The following PDZD7 variants were observed in gnomAD, a reference collection of about 807,000 sequenced individuals.
The protein encoded by PDZD7 is PDZ domain containing 7, also known as PDZ domain-containing protein 7.
In PDZD7, 72 loss-of-function variants were observed where a neutral mutation model predicts 84.7. The ratio of observed to expected loss-of-function variants is 0.85; its 90% confidence interval spans 0.70 to 1.03. PDZD7 has a LOEUF of 1.03. Ranked by LOEUF, PDZD7 falls within the 50% of genes least tolerant of loss-of-function variation. The pLI, the probability that PDZD7 is intolerant of heterozygous loss-of-function variation, is 0.00. For synonymous variants in PDZD7, 594 were observed against 580.7 expected, an observed-to-expected ratio of 1.02 and a Z score of -0.33; for missense variants, 1,490 against 1,412.9, an observed-to-expected ratio of 1.05 and a Z score of -0.87.
intron 2 of PDZD7, among the ~76,000 whole-genome samples, chr10:101,024,286 C>G (rs1202222064): frequency 1.3e-5 from 2 of 152,186 alleles, no homozygotes; most frequent in Non-Finnish European, 2.9e-5. Flanking sequence ...CTCTGTCATC[C>G]AGGCTGGAGT....
intron 2 of PDZD7, among the ~76,000 whole-genome samples, chr10:101,026,373 G>A (rs1937700609): frequency 6.6e-6 from 1 of 151,596 alleles, no homozygotes; most frequent in African/African-American, 2.4e-5. Flanking sequence ...AACCTCAAGT[G>A]ATCCACCTGC....
intron 9 of PDZD7, among the ~76,000 whole-genome samples, chr10:101,017,113 C>T (rs7094415): frequency 0.62 from 94,931 of 151,966 alleles, 30,819 homozygotes; most frequent in African/African-American, 0.81. Flanking sequence ...AAGCACTTTC[C>T]CTCCCACATC....
chr10:101,016,463 GC>G lies in PDZD7; in HGVS notation c.1523-37del, dbSNP rs746671101. The G allele has an allele frequency of 1.0e-5, 16 of 1,549,446 alleles. No homozygotes were observed. In the South Asian group the frequency reaches 1.7e-4, roughly 16 times the overall value. ...GAAAGAGGCTCAGCTGCAGGCCTTGGCCCCCAGTCTGAAAATGGGGTTCAGG... is the reference window on the plus strand; with the variant it reads ...GAAAGAGGCTCAGCTGCAGGCCTTGGCCCCAGTCTGAAAATGGGGTTCAGG... On this transcript the variant is annotated intron_variant, in intron 9 of 16. Transcript: ENST00000619208.
rs1355699073 is a variant in PDZD7, at chr10:101,017,848, AAAG to A, written c.1522+248_1522+250del. On this transcript the variant is annotated intron_variant, in intron 9 of 16. Transcript: ENST00000619208. ...AAAGGAAGGAAGGAAGGAAAGAAAG[AAAG>A]AAAGAAAGAAAGAAAGAAAGAAAGA... 106 of 338,578 alleles carry A rather than the reference AAAG, an allele frequency of 3.1e-4. 3 individuals carry two copies. The highest frequency in any genetic ancestry group is 8.8e-4 in the South Asian group (20 of 22,606). The allele number at this position is 338,578 out of a possible 1,614,324, so 21.0% of individuals were successfully genotyped here.
At position 101,007,723 on chromosome 10, in the gene PDZD7, C is replaced by T; in HGVS notation, c.*744G>A. On this transcript the variant is annotated 3_prime_UTR_variant, in exon 17 of 17. Coordinates refer to ENST00000619208, the MANE Select transcript of PDZD7 (RefSeq NM_001195263.2). Reference sequence around the variant, plus strand: ...TTATTTGTGTTTGTGACCAAGCAGCCTCTCCCTTCACCCAGGTTTATGGCC... The same window carrying T: ...TTATTTGTGTTTGTGACCAAGCAGCTTCTCCCTTCACCCAGGTTTATGGCC... 2.1e-6 allele frequency: 2 copies of T among 937,368 alleles called. No homozygotes were observed. Among genetic ancestry groups the T allele is most frequent in the Non-Finnish European group, 2.6e-6 (2 of 766,100 alleles). 58.1% of individuals were successfully genotyped at this position (937,368 alleles called of 1,614,324 possible).
chr10:101,009,268 G>A lies in PDZD7; in HGVS notation c.2700C>T (p.Phe900=). Residue 900 remains phenylalanine, a synonymous_variant, in exon 16 of 17, where the codon TTC becomes TTT. Transcript: ENST00000619208. ...IEKIFPGGAA[F]LSGALQAGFE... is the part of the protein sequence containing the mutation. ...CACCCACCTGCAGGGCCCCACTGAG[G>A]AAAGCGGCCCCCCCAGGGAAGATCT... is the stretch of plus-strand genomic sequence containing the variant. 6.5e-7 allele frequency: 1 copy of A among 1,535,938 alleles called. No individual in the cohort carries two copies. The highest frequency in any genetic ancestry group is 8.7e-7 in the Non-Finnish European group (1 of 1,146,768).
chr10:101,017,619 C>CA (rs1852693197), intron 9 of PDZD7: 2 of 700,826 alleles, frequency 2.9e-6, no homozygotes, highest in East Asian at 5.4e-5. Context: ...CCCATCTCTA[C>CA]AAAAAGATGC....
chr10:101,023,071 T>C (rs1169052702), intron 4 of PDZD7: 1 of 76,864 alleles, frequency 1.3e-5, no homozygotes, highest in Non-Finnish European at 2.2e-5. Context: ...CATGCCCGGC[T>C]TTTTTTTTTT....
rs769518056 is a variant in PDZD7 at position 101,008,842 on chromosome 10, G to A, written c.2727C>T (p.Phe909=). Residue 909 remains phenylalanine, a synonymous_variant, in exon 17 of 17, where the codon TTC becomes TTT. Transcript: ENST00000619208. ...TCTCTCCGTCCACTGCCACAAGCTC[G>A]AAGCCAGCCTAGGGTGGGGTGAGAG... ...AFLSGALQAG[F]ELVAVDGENL... is the part of the protein sequence containing the mutation. 2.6e-5 allele frequency: 39 copies of A among 1,497,784 alleles called. No individual in the cohort carries two copies. In the African/African-American group the frequency reaches 3.9e-4, roughly 15 times the overall value. The allele number at this position is 1,497,784 out of a possible 1,614,324, so 92.8% of individuals were successfully genotyped here.
chr10:101,015,628 A>C lies in PDZD7; in HGVS notation c.1749+8T>G. 1.3e-6 allele frequency: 2 copies of C among 1,549,726 alleles called. No homozygotes were observed. The highest frequency in any genetic ancestry group is 1.7e-6 in the Non-Finnish European group (2 of 1,146,404). ...TGTGCCAGGGCTGCGGATGGGATGA[A>C]GGCTTACCCGGGAGCAGTGGCGGGT... On this transcript the variant is annotated splice_region_variant and intron_variant, in intron 11 of 16. Transcript: ENST00000619208.
At chr10:101,024,693 C>T (rs1937603823) in intron 2 of PDZD7, among the ~76,000 whole-genome samples, 1 of 150,968 alleles carries the variant, frequency 6.6e-6, no homozygotes, top group South Asian at 2.1e-4. Flanking sequence ...AGGCAGGAGC[C>T]CAGGAGGTCG....
chr10:101,020,540 T>G lies in PDZD7; in HGVS notation c.928+78A>C. The G allele has an allele frequency of 2.9e-6, 4 of 1,394,658 alleles. No individual in the cohort carries two copies. The South Asian group carries it at 4.7e-5, about 16-fold the overall frequency. The allele number at this position is 1,394,658 out of a possible 1,614,324, so 86.4% of individuals were successfully genotyped here. ...GGTGTAAGCCACCAAGCCTGGCCCT[T>G]TTCTTCTTCAGAGAGCCGGGCCCCA... On this transcript the variant is annotated intron_variant, in intron 7 of 16. Coordinates refer to ENST00000619208, the MANE Select transcript of PDZD7 (RefSeq NM_001195263.2).
chr10:101,012,976 C>A (rs1231434972), intron 11 of PDZD7, among the ~76,000 whole-genome samples: 1 of 152,220 alleles, frequency 6.6e-6, no homozygotes, highest in Non-Finnish European at 1.5e-5. Flanking sequence ...TGGGAGCCAT[C>A]CCATTTGGAC....
Position 101,008,410 on chromosome 10 carries a change from G to A in PDZD7, c.*57C>T. On this transcript the variant is annotated 3_prime_UTR_variant, in exon 17 of 17. Transcript: ENST00000619208. ...AGTCCTGAAGAAGTTGGTAGGAGAG[G>A]TCCTGGGGATAACGGGATGCTGGAG... is the stretch of plus-strand genomic sequence containing the variant. The A allele has an allele frequency of 6.9e-7, 1 of 1,448,336 alleles. No individual in the cohort carries two copies. Among genetic ancestry groups the A allele is most frequent in the South Asian group, 1.4e-5 (1 of 72,376 alleles). The allele number at this position is 1,448,336 out of a possible 1,614,324, so 89.7% of individuals were successfully genotyped here.
In PDZD7 at chr10:101,012,172, G is replaced by A. The variant is rs1852418277; in HGVS notation, c.1836C>T (p.Asp612=). The change falls in exon 12 of 17, where the codon GAC becomes GAT. Residue 612 remains aspartate (D), a synonymous_variant. Transcript: ENST00000619208. ...TCTCTGCAACCTCCTCCCACCTGAT[G>A]TCCTGCAGCAGTAGCAGCTTCTCCG... ...DRPEKLLLLQ[D]IRSVVAPTDL... 1.9e-6 allele frequency: 3 copies of A among 1,550,506 alleles called. No homozygotes were observed. The highest frequency in any genetic ancestry group is 4.9e-5 in the East Asian group (2 of 40,922).
In PDZD7 at chr10:101,030,273, G is replaced by T. The variant is rs1264440804; in HGVS notation, c.-54C>A. On this transcript the variant is annotated 5_prime_UTR_variant, in exon 2 of 17. Transcript: ENST00000619208. Reference sequence around the variant, plus strand: ...GGTCCAGAAGGAATCTGCTAGCTCTGGAGAGGCCAGCCCTGCGTGCTTCGA... The same window carrying T: ...GGTCCAGAAGGAATCTGCTAGCTCTTGAGAGGCCAGCCCTGCGTGCTTCGA... The T allele has an allele frequency of 6.8e-7, 1 of 1,474,588 alleles. No individual in the cohort carries two copies. The highest frequency in any genetic ancestry group is 1.4e-5 in the African/African-American group (1 of 72,254). The allele number at this position is 1,474,588 out of a possible 1,614,324, so 91.3% of individuals were successfully genotyped here. A position where few individuals can be genotyped will look rare whatever the true frequency, so the allele number is the denominator to read the frequency against.
At chr10:101,021,754 C>A (rs1288277943) in intron 6 of PDZD7, 44 bp downstream of exon 6, 1 of 1,614,066 alleles carries the variant, frequency 6.2e-7, no homozygotes, top group Non-Finnish European at 8.5e-7. Context: ...CTGGGAAGCC[C>A]CTACTCTAGC....
rs969353206 is a variant in PDZD7, at chr10:101,025,571, A to G, written c.227-1503T>C. Among the ~76,000 whole-genome samples, 7 of 139,494 alleles carry G rather than the reference A, an allele frequency of 5.0e-5. No homozygotes were observed. In the South Asian group the frequency reaches 8.9e-4, roughly 18 times the overall value. The allele number at this position is 139,494 out of a possible 152,430, so 91.5% of individuals were successfully genotyped here. A position where few individuals can be genotyped will look rare whatever the true frequency, so the allele number is the denominator to read the frequency against. On this transcript the variant is annotated intron_variant, in intron 2 of 16. Transcript: ENST00000619208. The stretch of plus-strand genomic sequence containing the variant: ...ATTTATTTATTTATTTATCTGAGAC[A>G]GAGTCTCGCTCTGTCGCCCAGGCTG...
chr10:101,018,445 C>A, intron 8 of PDZD7, 149 bp from the exon 9 acceptor site: 1 of 865,268 alleles, frequency 1.2e-6, no homozygotes. Context: ...GGTTCCTCTT[C>A]CGACTTTCTG....
Sources: allele counts gnomAD v4.1 joint callset (sites outside exome capture counted in the v4.1 genomes callset), GRCh38; gene constraint gnomAD v4.1.1; transcripts MANE v1.5; gene names NCBI Gene and HGNC (gene_info 2026-07-23, HGNC 2026-07-21).